GSAP: variants seen among roughly 807,000 people sequenced by gnomAD.
The protein encoded by GSAP is gamma-secretase-activating protein.
A neutral mutation model predicts 131.7 loss-of-function variants in GSAP; 118 were observed. The ratio of observed to expected loss-of-function variants is 0.90; its 90% confidence interval spans 0.77 to 1.04. GSAP has a LOEUF of 1.04. Among genes scored for constraint, GSAP ranks in the 50% least tolerant of loss-of-function variants. The pLI, the probability that GSAP is intolerant of heterozygous loss-of-function variation, is 0.00. For synonymous variants in GSAP, 381 were observed against 363.4 expected (o/e 1.05, Z -0.55); for missense variants, 1,019 against 1,013.2 (o/e 1.01, Z -0.08).
At chr7:77,316,244 T>G (rs1484038843) in intron 26 of GSAP, 1 of 152,190 alleles carries the variant, frequency 6.6e-6, no homozygotes, top group Non-Finnish European at 1.5e-5. Flanking sequence ...TGTACAGGCT[T>G]TGCAACTCAT....
At chr7:77,391,382 A>T (rs1048606056) in intron 5 of GSAP, among the ~76,000 whole-genome samples, 21 of 152,318 alleles carry the variant, frequency 1.4e-4, no homozygotes, top group African/African-American at 5.1e-4. Context: ...TCTCTCAATA[A>T]CATACCATGT....
chr7:77,413,123 C>G (rs79666417), intron 1 of GSAP, among the ~76,000 whole-genome samples: 9,867 of 152,210 alleles, frequency 0.065, 427 homozygotes, highest in Non-Finnish European at 0.091. Flanking sequence ...GTATGTTCAT[C>G]AGGGAGTGCT....
rs1471413989 is a variant in GSAP, at chr7:77,382,660, A to C, written c.457-17T>G. The C allele has an allele frequency of 7.2e-7, 1 of 1,380,068 alleles. No homozygotes were observed. Among genetic ancestry groups the C allele is most frequent in the Non-Finnish European group, 1.0e-6 (1 of 967,034 alleles). The allele number at this position is 1,380,068 out of a possible 1,614,324, so 85.5% of individuals were successfully genotyped here. On this transcript the variant is annotated splice_polypyrimidine_tract_variant and intron_variant, in intron 6 of 30. Coordinates refer to ENST00000257626, the MANE Select transcript of GSAP (RefSeq NM_017439.4). The stretch of plus-strand genomic sequence containing the variant: ...GTAGAGAAACTGTAAAAAAGAAATT[A>C]ATCATAATTGTAAGCAACTATCTTG...
chr7:77,385,034 CT>C (rs1228460297), intron 6 of GSAP, among the ~76,000 whole-genome samples: 661 of 139,638 alleles, frequency 4.7e-3, no homozygotes, highest in African/African-American at 9.9e-3. Context: ...GTACTTCTAA[CT>C]TTTTTTTTTT....
At chr7:77,368,296 G>A (rs930872297) in intron 12 of GSAP, among the ~76,000 whole-genome samples, 21 of 152,270 alleles carry the variant, frequency 1.4e-4, no homozygotes, top group Admixed American at 4.6e-4. Context: ...GCATTTACTC[G>A]CCCCTTCCCT....
chr7:77,330,880 T>C (rs1789040331), intron 19 of GSAP: 1 of 976,788 alleles, frequency 1.0e-6, no homozygotes, highest in African/African-American at 1.8e-5. Flanking sequence ...AATGAACTAA[T>C]TTTACATTGT....
Position 77,416,235 on chromosome 7 carries a change from G to T in GSAP, c.87C>A (p.Ser29Arg). The change falls in exon 1 of 31, where the codon AGC becomes AGA. Residue 29 changes from serine (S) to arginine (R), a missense_variant. Transcript: ENST00000257626. Reference sequence around the variant, plus strand: ...CACCTGCGCCGCCGCTTCCGGCCCCGCTGGCCTCCGACACTGCCCGCTGCG... The same window carrying T: ...CACCTGCGCCGCCGCTTCCGGCCCCTCTGGCCTCCGACACTGCCCGCTGCG... ...LRAQRAVSEASGAGSGGADVL... is the reference protein window; with the variant it reads ...LRAQRAVSEARGAGSGGADVL... The T allele has an allele frequency of 1.6e-6, 2 of 1,261,852 alleles. No individual in the cohort carries two copies. Among genetic ancestry groups the T allele is most frequent in the Non-Finnish European group, 2.0e-6 (2 of 979,644 alleles). 78.2% of individuals were successfully genotyped at this position (1,261,852 alleles called of 1,614,324 possible).
chr7:77,409,741 G>T (rs7788701), intron 1 of GSAP, among the ~76,000 whole-genome samples: 5,127 of 152,164 alleles, frequency 0.034, 295 homozygotes, highest in African/African-American at 0.12. Context: ...AAAAGGTTTC[G>T]GCTAAGATAA....
At chr7:77,369,349 C>G (rs1202673854) in intron 12 of GSAP, among the ~76,000 whole-genome samples, 3 of 152,144 alleles carry the variant, frequency 2.0e-5, no homozygotes, top group Admixed American at 2.0e-4. Context: ...AAATAATACA[C>G]AAGTGGCCTG....
chr7:77,395,464 G>T (rs1295339465), intron 5 of GSAP, among the ~76,000 whole-genome samples: 1 of 152,156 alleles, frequency 6.6e-6, no homozygotes, highest in African/African-American at 2.4e-5. Flanking sequence ...AGCTATTCCA[G>T]TTCCATCTCC....
At chr7:77,346,186 C>T (rs1222125528) in intron 19 of GSAP, among the ~76,000 whole-genome samples, 1 of 146,780 alleles carries the variant, frequency 6.8e-6, no homozygotes, top group African/African-American at 2.6e-5. Context: ...AGGAGAATCG[C>T]TTGAACCCAG....
chr7:77,353,552 G>A lies in GSAP; in HGVS notation c.1408+20C>T, dbSNP rs1285523892. 2.6e-6 allele frequency: 4 copies of A among 1,557,814 alleles called. No individual in the cohort carries two copies. The highest frequency in any genetic ancestry group is 3.5e-6 in the Non-Finnish European group (4 of 1,130,976). On this transcript the variant is annotated intron_variant, in intron 17 of 30. Coordinates refer to ENST00000257626, the MANE Select transcript of GSAP (RefSeq NM_017439.4). Reference sequence around the variant, plus strand: ...AAAGGTCAAGTATTCAACTTAAGCTGCAACATCAGCAACACTTACCAATTA... The same window carrying A: ...AAAGGTCAAGTATTCAACTTAAGCTACAACATCAGCAACACTTACCAATTA...
At chr7:77,367,320 C>T (rs1171737571) in intron 12 of GSAP, among the ~76,000 whole-genome samples, 2 of 152,156 alleles carry the variant, frequency 1.3e-5, no homozygotes, top group Non-Finnish European at 2.9e-5. Flanking sequence ...AGCTTTTGCC[C>T]ATTCAGTATG....
chr7:77,322,914 T>C (rs1554375289), intron 24 of GSAP, among the ~76,000 whole-genome samples: 1 of 152,198 alleles, frequency 6.6e-6, no homozygotes, highest in Non-Finnish European at 1.5e-5. Context: ...CAGAGTTCAA[T>C]GGAAAAATAT....
At chr7:77,375,870 A>C in intron 10 of GSAP, among the ~76,000 whole-genome samples, 1 of 151,682 alleles carries the variant, frequency 6.6e-6, no homozygotes, top group African/African-American at 2.4e-5. Flanking sequence ...AAACAAAAAA[A>C]CAACCACCAT....
chr7:77,364,144 G>A (rs1292471223), intron 12 of GSAP, among the ~76,000 whole-genome samples: 1 of 152,012 alleles, frequency 6.6e-6, no homozygotes, highest in African/African-American at 2.4e-5. Context: ...ATGAAATACT[G>A]TCAAGGGAGC....
rs1278597606 is a variant in GSAP, at chr7:77,416,229, G to T, written c.93C>A (p.Ala31=). The T allele has an allele frequency of 3.0e-6, 4 of 1,349,876 alleles. No homozygotes were observed. In the Admixed American group the frequency reaches 8.8e-5, roughly 30 times the overall value. 83.6% of individuals were successfully genotyped at this position (1,349,876 alleles called of 1,614,324 possible). Residue 31 remains alanine (A), a synonymous_variant, in exon 1 of 31, where the codon GCC becomes GCA. Coordinates refer to ENST00000257626, the MANE Select transcript of GSAP (RefSeq NM_017439.4). ...CTCCCGCACCTGCGCCGCCGCTTCCGGCCCCGCTGGCCTCCGACACTGCCC... is the reference window on the plus strand; with the variant it reads ...CTCCCGCACCTGCGCCGCCGCTTCCTGCCCCGCTGGCCTCCGACACTGCCC... ...AQRAVSEASG[A]GSGGADVLEN...
chr7:77,323,598 G>T, intron 24 of GSAP, 49 bp downstream of exon 24: 2 of 880,700 alleles, frequency 2.3e-6, no homozygotes, highest in South Asian at 1.5e-5. Context: ...AGAACTATAT[G>T]GGGAGTGGGG....
In GSAP at chr7:77,328,137, G is replaced by A. The variant is rs1056924622; in HGVS notation, c.1765+469C>T. The A allele has an allele frequency of 4.8e-6, 4 of 830,374 alleles. No individual in the cohort carries two copies. The African/African-American group carries it at 7.4e-5, about 15-fold the overall frequency. 51.4% of individuals were successfully genotyped at this position (830,374 alleles called of 1,614,324 possible). ...AGCTCTGTCTAGCTCTCAAGCCTGT[G>A]CTCTTTCCCCCAGAACCACACTGCT... On this transcript the variant is annotated intron_variant, in intron 22 of 30. Coordinates refer to ENST00000257626, the MANE Select transcript of GSAP (RefSeq NM_017439.4).
Sources: gnomAD v4.1 joint callset for allele counts (sites outside exome capture counted in the v4.1 genomes callset) on GRCh38, gnomAD v4.1.1 for gene constraint, MANE v1.5 for transcripts, NCBI Gene and HGNC (gene_info 2026-07-23, HGNC 2026-07-21) for gene names.